SORCS3: variants seen among roughly 807,000 people sequenced by gnomAD.
The protein encoded by SORCS3 is VPS10 domain-containing receptor SorCS3.
In SORCS3, 57 loss-of-function variants were observed where a neutral mutation model predicts 146.3. The ratio of observed to expected loss-of-function variants is 0.39; its 90% CI spans 0.31 to 0.49. The LOEUF (loss-of-function observed/expected upper bound fraction) is 0.49. Ranked by LOEUF, SORCS3 falls within the 20% of genes least tolerant of loss-of-function variation. The pLI is 0.92. For missense variants in SORCS3, 1,341 were observed against 1,575.5 expected, an observed-to-expected ratio of 0.85 and a Z score of 2.52; for synonymous variants, 653 against 618.5, an observed-to-expected ratio of 1.06 and a Z score of -0.83.
intron 3 of SORCS3, among the ~76,000 whole-genome samples, chr10:104,928,458 G>T (rs2019172599): frequency 6.6e-6 from 1 of 152,132 alleles, no homozygotes; most frequent in South Asian, 2.1e-4. Context: ...ATAGCAAATG[G>T]ATCTCACTGC....
chr10:105,185,481 C>T (rs900481143), intron 14 of SORCS3, among the ~76,000 whole-genome samples: 6 of 152,270 alleles, frequency 3.9e-5, no homozygotes, highest in South Asian at 2.1e-4. Context: ...CCGGCTGTCC[C>T]GTTTCACTCC....
chr10:104,929,116 C>T (rs2019180247), intron 3 of SORCS3, among the ~76,000 whole-genome samples: 1 of 152,250 alleles, frequency 6.6e-6, no homozygotes, highest in South Asian at 2.1e-4. Context: ...GCGTGCAGCT[C>T]ATGCTTCAGT....
At chr10:105,128,783 T>C (rs909368940) in intron 7 of SORCS3, among the ~76,000 whole-genome samples, 6 of 152,200 alleles carry the variant, frequency 3.9e-5, no homozygotes, top group Admixed American at 2.0e-4. Context: ...TTCTAAAAGC[T>C]TGTGTTCCTG....
intron 19 of SORCS3, among the ~76,000 whole-genome samples, chr10:105,218,741 G>T (rs928145717): frequency 4.1e-4 from 63 of 152,296 alleles, no homozygotes; most frequent in African/African-American, 1.4e-3. Context: ...TGCTGGCTGG[G>T]CGCGGTGGCT....
At chr10:104,785,732 A>G (rs1486683045) in intron 1 of SORCS3, among the ~76,000 whole-genome samples, 1 of 152,168 alleles carries the variant, frequency 6.6e-6, no homozygotes, top group African/African-American at 2.4e-5. Flanking sequence ...AGTCTTCTCC[A>G]TTCAATCCCA....
rs1554844355 is a variant in SORCS3 at position 104,696,248 on chromosome 10, G to GATATATATCATATACAC, written c.627+54300_627+54301insATCATATACACATATAT. Among the ~76,000 whole-genome samples the GATATATATCATATACAC allele has an allele frequency of 3.2e-4, 10 of 31,380 alleles. 4 individuals carry two copies. The highest frequency in any genetic ancestry group is 1.4e-3 in the African/African-American group (10 of 7,128). 20.6% of individuals were successfully genotyped at this position (31,380 alleles called of 152,430 possible). A position where few individuals can be genotyped will look rare whatever the true frequency, so the allele number is the denominator to read the frequency against. On this transcript the variant is annotated intron_variant, in intron 1 of 26. Coordinates refer to ENST00000369701, the MANE Select transcript of SORCS3 (RefSeq NM_014978.3). ...TATAATATATATCATATACACATAT[G>GATATATATCATATACAC]ATATATGATATATATCATATACACA...
Position 105,201,145 on chromosome 10 carries a change from G to A in SORCS3, c.2153G>A (p.Arg718Lys), listed in dbSNP as rs776440027. The change falls in exon 16 of 27, where the codon AGG (arginine) becomes AAG (lysine). Residue 718 changes from arginine (R) to lysine (K), a missense_variant. By Grantham distance (26) the Arg-to-Lys change is conservative (BLOSUM62 2). Transcript: ENST00000369701. ...GGAGAGCCTTGTGTCATGGGAGAAA[G>A]GAAAATATTCAAGAAACGTAAGCCA... ...NQGEPCVMGE[R>K]KIFKKRKPGA... 1 of 1,612,960 alleles carries A rather than the reference G, an allele frequency of 6.2e-7. No individual in the cohort carries two copies. Among genetic ancestry groups the A allele is most frequent in the Non-Finnish European group, 8.5e-7 (1 of 1,179,378 alleles).
intron 9 of SORCS3, among the ~76,000 whole-genome samples, chr10:105,153,634 A>AGG (rs1554881774): frequency 2.3e-5 from 3 of 129,714 alleles, no homozygotes; most frequent in African/African-American, 9.9e-5. Context: ...AGAGAGAGAG[A>AGG]GTGTGTGTGT....
intron 3 of SORCS3, among the ~76,000 whole-genome samples, 159 bp from the exon 4 acceptor site, chr10:104,977,176 A>G (rs2054904039): frequency 6.6e-6 from 1 of 152,158 alleles, no homozygotes. Context: ...GAGAGACTAA[A>G]TCAGGAGAAA....
At chr10:105,168,245 T>C (rs560006462) in intron 13 of SORCS3, among the ~76,000 whole-genome samples, 3 of 152,110 alleles carry the variant, frequency 2.0e-5, no homozygotes, top group Non-Finnish European at 4.4e-5. Flanking sequence ...GATTATTCCT[T>C]TCAAAGAGTA....
At chr10:104,649,031 G>T (rs2015528842) in intron 1 of SORCS3, among the ~76,000 whole-genome samples, 1 of 152,078 alleles carries the variant, frequency 6.6e-6, no homozygotes, top group Non-Finnish European at 1.5e-5. Flanking sequence ...GGGAAAAACT[G>T]GAAATAAAGC....
intron 2 of SORCS3, among the ~76,000 whole-genome samples, chr10:104,904,492 A>G (rs986082636): frequency 2.6e-4 from 39 of 152,228 alleles, no homozygotes; most frequent in African/African-American, 7.9e-4. Flanking sequence ...ACACACATTC[A>G]AGTTATTTAA....
At chr10:105,054,281 C>T (rs1016545608) in intron 5 of SORCS3, among the ~76,000 whole-genome samples, 3 of 151,812 alleles carry the variant, frequency 2.0e-5, no homozygotes, top group African/African-American at 7.2e-5. Context: ...TCGAATCTTT[C>T]ATTTTCCCTT....
chr10:105,196,559 T>G (rs1480891571), intron 14 of SORCS3, among the ~76,000 whole-genome samples: 1 of 152,148 alleles, frequency 6.6e-6, no homozygotes. Flanking sequence ...GAGCCAAGAT[T>G]GCACCATTGC....
chr10:105,156,859 A>G (rs1007941094), intron 9 of SORCS3, among the ~76,000 whole-genome samples: 8 of 152,216 alleles, frequency 5.3e-5, no homozygotes, highest in African/African-American at 1.9e-4. Context: ...ATTAAAGGTA[A>G]AGTCCTATGG....
At chr10:104,952,955 T>G (rs2019448720) in intron 3 of SORCS3, among the ~76,000 whole-genome samples, 1 of 152,164 alleles carries the variant, frequency 6.6e-6, no homozygotes, top group Non-Finnish European at 1.5e-5. Flanking sequence ...CTCAACCATG[T>G]TTTGAGCAAA....
At chr10:104,796,928 G>A (rs1589502759) in intron 1 of SORCS3, among the ~76,000 whole-genome samples, 1 of 152,130 alleles carries the variant, frequency 6.6e-6, no homozygotes, top group Admixed American at 6.5e-5. Flanking sequence ...ATAGGAAAGC[G>A]GCATGTAAAT....
At chr10:104,676,753 G>GTC (rs1424163026) in intron 1 of SORCS3, among the ~76,000 whole-genome samples, 3 of 152,152 alleles carry the variant, frequency 2.0e-5, no homozygotes, top group African/African-American at 4.8e-5. Context: ...AGGGCATTGT[G>GTC]TCTTTTTTCT....
intron 20 of SORCS3, among the ~76,000 whole-genome samples, chr10:105,242,672 A>T (rs2056838764): frequency 9.7e-6 from 1 of 102,838 alleles, no homozygotes; most frequent in African/African-American, 4.0e-5. Flanking sequence ...ATATATATTT[A>T]TATATATTTA....
Sources: gnomAD v4.1 joint callset for allele counts (sites outside exome capture counted in the v4.1 genomes callset) on GRCh38, gnomAD v4.1.1 for gene constraint, MANE v1.5 for transcripts, NCBI Gene and HGNC (gene_info 2026-07-23, HGNC 2026-07-21) for gene names.